The following HS6ST3 variants were observed in gnomAD, a reference collection of about 807,000 sequenced individuals.
HS6ST3 encodes the protein heparan-sulfate 6-O-sulfotransferase 3.
HS6ST3 carries 12 observed loss-of-function variants against 36.7 expected under a neutral mutation model. The ratio of observed to expected loss-of-function variants is 0.33; its 90% CI spans 0.21 to 0.53. The LOEUF is 0.53. HS6ST3 is among the 20% of genes least tolerant of loss of function. HS6ST3 has a pLI of 0.95. For missense variants in HS6ST3, 584 were observed against 640.9 expected, an observed-to-expected ratio of 0.91 and a Z score of 0.96; for synonymous variants, 240 against 257.5, an observed-to-expected ratio of 0.93 and a Z score of 0.65.
At chr13:96,158,756 A>G (rs1293744565) in intron 1 of HS6ST3, among the ~76,000 whole-genome samples, 5 of 151,616 alleles carry the variant, frequency 3.3e-5, no homozygotes. Context: ...AGCCCCAGGG[A>G]CAGTGTTGGG....
At chr13:96,751,863 CCTT>C (rs138428779) in intron 1 of HS6ST3, among the ~76,000 whole-genome samples, 11,510 of 150,178 alleles carry the variant, frequency 0.077, 786 homozygotes, top group African/African-American at 0.17. Flanking sequence ...CATAACATAG[CCTT>C]CTTCTTTAAA....
chr13:96,794,993 T>G (rs2138522883), intron 1 of HS6ST3, among the ~76,000 whole-genome samples: 1 of 152,196 alleles, frequency 6.6e-6, no homozygotes, highest in African/African-American at 2.4e-5. Context: ...TTTATATTTT[T>G]GGCAAAGCAT....
At chr13:96,098,805 G>C (rs2139293608) in intron 1 of HS6ST3, among the ~76,000 whole-genome samples, 1 of 152,312 alleles carries the variant, frequency 6.6e-6, no homozygotes, top group African/African-American at 2.4e-5. Flanking sequence ...ATGTCGATAA[G>C]AAGAGCACTA....
At chr13:96,175,671 T>C (rs2054209382) in intron 1 of HS6ST3, among the ~76,000 whole-genome samples, 1 of 143,934 alleles carries the variant, frequency 6.9e-6, no homozygotes. Flanking sequence ...AACTTAATCT[T>C]CTAGCCTTTC....
At chr13:96,202,528 T>G (rs1490885695) in intron 1 of HS6ST3, among the ~76,000 whole-genome samples, 1 of 152,204 alleles carries the variant, frequency 6.6e-6, no homozygotes, top group East Asian at 1.9e-4. Flanking sequence ...TGTGATCATT[T>G]GTGCTTCAGC....
At chr13:96,653,531 A>G (rs574526520) in intron 1 of HS6ST3, among the ~76,000 whole-genome samples, 1 of 152,304 alleles carries the variant, frequency 6.6e-6, no homozygotes, top group East Asian at 1.9e-4. Context: ...CCTGCAAAGG[A>G]CATGAACTCA....
chr13:96,783,028 A>G (rs1258206036), intron 1 of HS6ST3, among the ~76,000 whole-genome samples: 21 of 152,190 alleles, frequency 1.4e-4, no homozygotes, highest in Admixed American at 1.4e-3. Context: ...AGTTGAGTAA[A>G]TTATTTTGAA....
intron 1 of HS6ST3, among the ~76,000 whole-genome samples, chr13:96,259,895 A>G (rs2054655606): frequency 6.6e-6 from 1 of 152,114 alleles, no homozygotes; most frequent in African/African-American, 2.4e-5. Flanking sequence ...TATTTCTATT[A>G]TAAAGTTTAA....
At chr13:96,184,295 A>G (rs79811572) in intron 1 of HS6ST3, among the ~76,000 whole-genome samples, 4 of 151,600 alleles carry the variant, frequency 2.6e-5, no homozygotes, top group Admixed American at 2.6e-4. Flanking sequence ...ATTAAAAAAA[A>G]TTTTTTTAAG....
chr13:96,465,125 G>A (rs1055152430), intron 1 of HS6ST3, among the ~76,000 whole-genome samples: 1 of 152,080 alleles, frequency 6.6e-6, no homozygotes, highest in African/African-American at 2.4e-5. Context: ...GTTGTAGATG[G>A]GGACGCTTAC....
intron 1 of HS6ST3, among the ~76,000 whole-genome samples, chr13:96,435,458 G>A (rs1185524105): frequency 1.3e-5 from 2 of 152,012 alleles, no homozygotes; most frequent in Admixed American, 6.6e-5. Flanking sequence ...TTCCTCCTTT[G>A]TGAGGCCTTT....
In HS6ST3 at chr13:96,505,585, A is replaced by G. The variant is rs544303115; in HGVS notation, c.708-326905A>G. On this transcript the variant is annotated intron_variant, in intron 1 of 1. Coordinates refer to ENST00000376705, the MANE Select transcript of HS6ST3 (RefSeq NM_153456.4). ...TCAGCAAACACTTGGATTGAAATGA[A>G]TTGAGGAAAACACATTTGCAGGAAT... Among the ~76,000 whole-genome samples the G allele has an allele frequency of 1.7e-4, 26 of 152,260 alleles. No homozygotes were observed. The South Asian group carries it at 1.9e-3, about 11-fold the overall frequency.
intron 1 of HS6ST3, among the ~76,000 whole-genome samples, chr13:96,219,914 C>T (rs1454923631): frequency 6.6e-6 from 1 of 152,144 alleles, no homozygotes; most frequent in Non-Finnish European, 1.5e-5. Context: ...GATCTCTTGA[C>T]CTCGTGATCT....
intron 1 of HS6ST3, among the ~76,000 whole-genome samples, chr13:96,262,265 G>A (rs917961055): frequency 8.6e-5 from 13 of 152,020 alleles, no homozygotes; most frequent in Non-Finnish European, 1.0e-4. Context: ...GAAATAGAAG[G>A]CAAACGTTTT....
At position 96,184,116 on chromosome 13, in the gene HS6ST3, G is replaced by T. The variant is rs532424566; in HGVS notation, c.707+92547G>T. Among the ~76,000 whole-genome samples, 261 of 147,908 alleles carry T rather than the reference G, an allele frequency of 1.8e-3. 2 individuals carry two copies. Among genetic ancestry groups the T allele is most frequent in the African/African-American group, 6.2e-3 (249 of 40,088 alleles). On this transcript the variant is annotated intron_variant, in intron 1 of 1. Coordinates refer to ENST00000376705, the MANE Select transcript of HS6ST3 (RefSeq NM_153456.4). ...CTCGGGAGGCTGAGGTGGGAGAATC[G>T]TTTGAACCTGGCAGGGGGAGGTTGC...
chr13:96,163,451 G>C (rs1251449755), intron 1 of HS6ST3, among the ~76,000 whole-genome samples: 1 of 151,786 alleles, frequency 6.6e-6, no homozygotes, highest in African/African-American at 2.4e-5. Flanking sequence ...GCATGGTCTC[G>C]ATCTCCTGAC....
intron 1 of HS6ST3, among the ~76,000 whole-genome samples, chr13:96,254,466 T>C (rs1438659999): frequency 7.3e-4 from 4 of 5,456 alleles, no homozygotes; most frequent in Non-Finnish European, 1.7e-3. Context: ...TATATATATA[T>C]ATATATATAT....
chr13:96,235,703 A>T (rs1226049867), intron 1 of HS6ST3, among the ~76,000 whole-genome samples: 1 of 152,044 alleles, frequency 6.6e-6, no homozygotes, highest in East Asian at 1.9e-4. Flanking sequence ...TCCAAATCCT[A>T]GTTGTCATCT....
chr13:96,191,948 G>A (rs945928386), intron 1 of HS6ST3, among the ~76,000 whole-genome samples: 11 of 152,084 alleles, frequency 7.2e-5, no homozygotes, highest in African/African-American at 2.4e-4. Flanking sequence ...GCATTCTTTC[G>A]AGTCAGAGAG....
Sources: gnomAD v4.1 joint callset for allele counts (sites outside exome capture counted in the v4.1 genomes callset) on GRCh38, gnomAD v4.1.1 for gene constraint, MANE v1.5 for transcripts, NCBI Gene and HGNC (gene_info 2026-07-23, HGNC 2026-07-21) for gene names.